CA14: variants seen among roughly 807,000 people sequenced by gnomAD.
CA14 encodes the protein CA-XIV.
Under a neutral mutation model 48.8 loss-of-function variants are expected in CA14, and 44 were observed. The ratio of observed to expected loss-of-function variants is 0.90; its 90% confidence interval spans 0.71 to 1.16. The LOEUF is 1.16. Among genes scored for constraint, CA14 ranks in the 50% most tolerant of loss-of-function variants. The pLI, the probability that CA14 is intolerant of heterozygous loss-of-function variation, is 0.00. For synonymous variants in CA14, 154 were observed against 155.0 expected, an observed-to-expected ratio of 0.99 and a Z score of 0.05; for missense variants, 386 against 401.0, an observed-to-expected ratio of 0.96 and a Z score of 0.32.
Position 150,263,829 on chromosome 1 carries a change from G to A in CA14, c.898G>A (p.Gly300Ser), listed in dbSNP as rs782199141. The A allele has an allele frequency of 2.5e-6, 4 of 1,613,998 alleles. No homozygotes were observed. Among genetic ancestry groups the A allele is most frequent in the Non-Finnish European group, 1.7e-6 (2 of 1,179,966 alleles). ...GAGTCTAGGTGTAGGAATCTTGGTT[G>A]GCTGTCTCTGCCTTCTCCTGGCTGT... ...MLSLGVGILV[G>S]CLCLLLAVYF... Residue 300 changes from glycine to serine, a missense_variant, in exon 10 of 11, where the codon GGC becomes AGC. Transcript: ENST00000369111.
intron 3 of CA14, among the ~76,000 whole-genome samples, 199 bp from the exon 4 acceptor site, chr1:150,261,959 G>A (rs1651074688): frequency 6.6e-6 from 1 of 152,190 alleles, no homozygotes; most frequent in African/African-American, 2.4e-5. Context: ...AGCTCAGTAG[G>A]TAGGTATCAT....
chr1:150,260,006 T>A (rs1394362861), intron 1 of CA14, 145 bp from the exon 2 acceptor site: 1 of 767,124 alleles, frequency 1.3e-6, no homozygotes, highest in African/African-American at 1.7e-5. Flanking sequence ...TTTCAGGGCT[T>A]CCTTTGCAAA....
rs1384210303 is a variant in CA14, at chr1:150,260,058, G to C, written c.56-93G>C. 2.7e-5 allele frequency: 32 copies of C among 1,204,954 alleles called. No individual in the cohort carries two copies. In the African/African-American group the frequency reaches 4.8e-4, roughly 18 times the overall value. The allele number at this position is 1,204,954 out of a possible 1,614,324, so 74.6% of individuals were successfully genotyped here. On this transcript the variant is annotated intron_variant, in intron 1 of 10. Transcript: ENST00000369111. ...AGGAGAGACTGCAGAGAGGGAGGTG[G>C]AGCAGTACAGAATGCCAGAGGGAGG...
At chr1:150,259,816 G>A (rs1354137694) in intron 1 of CA14, among the ~76,000 whole-genome samples, 1 of 141,968 alleles carries the variant, frequency 7.0e-6, no homozygotes, top group Non-Finnish European at 1.5e-5. Context: ...GTGTTAGATT[G>A]ACTTGGCACA....
At position 150,264,771 on chromosome 1, in the gene CA14, G is replaced by T. The variant is rs904514625; in HGVS notation, c.*112G>T. On this transcript the variant is annotated 3_prime_UTR_variant, in exon 11 of 11. Coordinates refer to ENST00000369111, the MANE Select transcript of CA14 (RefSeq NM_012113.3). ...AACACTGTAGGAGTAGTAAGCAGAT[G>T]TCCTCCTTCCCCTGGACATCTCCTA... is the stretch of plus-strand genomic sequence containing the variant. 5 of 709,550 alleles carry T rather than the reference G, an allele frequency of 7.0e-6. No homozygotes were observed. In the East Asian group the frequency reaches 1.4e-4, roughly 20 times the overall value. The allele number at this position is 709,550 out of a possible 1,614,324, so 44.0% of individuals were successfully genotyped here.
chr1:150,259,984 A>G (rs1307473893), intron 1 of CA14, among the ~76,000 whole-genome samples, 167 bp from the exon 2 acceptor site: 4 of 152,172 alleles, frequency 2.6e-5, no homozygotes, highest in African/African-American at 9.7e-5. Context: ...ACCTTTCCAC[A>G]GAGGTGTCCG....
chr1:150,259,617 CAT>C (rs1286702604), intron 1 of CA14, among the ~76,000 whole-genome samples: 1 of 152,144 alleles, frequency 6.6e-6, no homozygotes, highest in African/African-American at 2.4e-5. Flanking sequence ...GAAGAATTTA[CAT>C]ATGAGTTTAC....
In CA14 at chr1:150,262,931, G is replaced by A. The variant is rs1321315477; in HGVS notation, c.562+61G>A. The A allele has an allele frequency of 2.5e-6, 4 of 1,581,206 alleles. No homozygotes were observed. In the African/African-American group the frequency reaches 5.4e-5, roughly 21 times the overall value. ...AGACTTTCAAAAACTATCCTTAAAA[G>A]CCTTGGGATGAAGCAATTACATAGA... On this transcript the variant is annotated intron_variant, in intron 6 of 10. Transcript: ENST00000369111.
In CA14 at chr1:150,258,157, T is replaced by G; in HGVS notation, c.29T>G (p.Val10Gly). MLFSALLLEVIWILAADGGQ... is the reference protein window; with the variant it reads MLFSALLLEGIWILAADGGQ... The stretch of plus-strand genomic sequence containing the variant: ...TTGTTCTCCGCCCTCCTGCTGGAGG[T>G]GATTTGGATCCTGGCTGCAGATGGG... Residue 10 changes from valine (V) to glycine (G), a missense_variant, in exon 1 of 11, where the codon GTG becomes GGG. Val to Gly is a moderately radical substitution (Grantham distance 109). Transcript: ENST00000369111. 6.2e-7 allele frequency: 1 copy of G among 1,610,784 alleles called. No individual in the cohort carries two copies. Among genetic ancestry groups the G allele is most frequent in the Non-Finnish European group, 8.5e-7 (1 of 1,178,082 alleles).
chr1:150,262,686 G>A (rs1355432277), intron 5 of CA14, 66 bp downstream of exon 5: 9 of 1,425,336 alleles, frequency 6.3e-6, no homozygotes, highest in Non-Finnish European at 8.9e-6. Context: ...ACCTATTTCT[G>A]TTGCTGGCCT....
At position 150,261,515 on chromosome 1, in the gene CA14, C is replaced by T. The variant is rs782447059; in HGVS notation, c.133C>T (p.Gln45Ter). 6.2e-7 allele frequency: 1 copy of T among 1,614,180 alleles called. No individual in the cohort carries two copies. The highest frequency in any genetic ancestry group is 8.5e-7 in the Non-Finnish European group (1 of 1,180,036). ...ASYPECGNNA[Q>*]SPIDIQTDSV... The stretch of plus-strand genomic sequence containing the variant: ...TTACCCTGAGTGTGGAAACAATGCC[C>T]AGTCGCCCATCGATATTCAGACAGA... Residue 45 changes from glutamine to a stop codon, truncating the protein, a stop_gained, in exon 3 of 11, where the codon CAG becomes TAG. Coordinates refer to ENST00000369111, the MANE Select transcript of CA14 (RefSeq NM_012113.3). LOFTEE classifies it high-confidence loss of function.
chr1:150,262,378 G>A, intron 4 of CA14, 78 bp downstream of exon 4: 16 of 1,540,310 alleles, frequency 1.0e-5, no homozygotes, highest in Non-Finnish European at 1.3e-5. Context: ...TGGACCTTAG[G>A]AAAAGTCATG....
chr1:150,259,359 CTCAGCCTT>C (rs2101826631), intron 1 of CA14, among the ~76,000 whole-genome samples: 1 of 152,268 alleles, frequency 6.6e-6, no homozygotes, highest in East Asian at 1.9e-4. Flanking sequence ...CCTGCAGACC[CTCAGCCTT>C]TGCGTCAGAC....
intron 9 of CA14, 56 bp downstream of exon 9, chr1:150,263,735 G>A: frequency 1.2e-6 from 2 of 1,612,454 alleles, no homozygotes; most frequent in Non-Finnish European, 1.7e-6. Flanking sequence ...CCGAGTGGGG[G>A]AAAGGCTCAA....
At chr1:150,261,380 A>T in intron 2 of CA14, 79 bp from the exon 3 acceptor site, 1 of 1,292,044 alleles carries the variant, frequency 7.7e-7, no homozygotes, top group Non-Finnish European at 1.1e-6. Context: ...GGTTAGGGGA[A>T]GGGTCAAAGG....
In CA14 at chr1:150,262,250, T is replaced by A. The variant is rs1651101635; in HGVS notation, c.349T>A (p.Ser117Thr). ...CCACCTGCACTGGGGTCAGAAAGGA[T>A]CCCCAGGGGGGTCAGAACACCAGAT... is the stretch of plus-strand genomic sequence containing the variant. ...QLHLHWGQKG[S>T]PGGSEHQINS... The change falls in exon 4 of 11, where the codon TCC (serine) becomes ACC (threonine). Residue 117 changes from serine (S) to threonine (T), a missense_variant. Coordinates refer to ENST00000369111, the MANE Select transcript of CA14 (RefSeq NM_012113.3). The A allele has an allele frequency of 6.2e-7, 1 of 1,612,282 alleles. No individual in the cohort carries two copies. Among genetic ancestry groups the A allele is most frequent in the African/African-American group, 1.3e-5 (1 of 74,822 alleles).
At position 150,262,210 on chromosome 1, in the gene CA14, TGTAG is replaced by T; in HGVS notation, c.310_313del (p.Val104LeufsTer43). ...ATCTGGGTGGACTTCCCCGAAAATA[TGTAG>T]CTGCCCAGCTCCACCTGCACTGGGG... On this transcript the variant is annotated frameshift_variant, in exon 4 of 11. Transcript: ENST00000369111. LOFTEE classifies it high-confidence loss of function. 6.2e-7 allele frequency: 1 copy of T among 1,614,152 alleles called. No homozygotes were observed. The highest frequency in any genetic ancestry group is 8.5e-7 in the Non-Finnish European group (1 of 1,180,026).
Position 150,262,873 on chromosome 1 carries a change from G to A in CA14, c.562+3G>A. On this transcript the variant is annotated splice_donor_region_variant and intron_variant, in intron 6 of 10. Coordinates refer to ENST00000369111, the MANE Select transcript of CA14 (RefSeq NM_012113.3). ...CTTGCATGAAGTCAGGCATAAAGGT[G>A]AGCCTTAAAAATCTATAGCAGGAAG... 6.2e-7 allele frequency: 1 copy of A among 1,610,850 alleles called. No individual in the cohort carries two copies. The highest frequency in any genetic ancestry group is 8.5e-7 in the Non-Finnish European group (1 of 1,177,022).
Position 150,258,097 on chromosome 1 carries a change from T to C in CA14, c.-32T>C, listed in dbSNP as rs782428269. 6.3e-6 allele frequency: 10 copies of C among 1,580,120 alleles called. No individual in the cohort carries two copies. The highest frequency in any genetic ancestry group is 8.6e-6 in the Non-Finnish European group (10 of 1,156,650). ...TGTCCTAGTCCTCTAGTCCTCAAAT[T>C]CCCAGTCCCCTGCACCCCTTCCTGG... On this transcript the variant is annotated 5_prime_UTR_variant, in exon 1 of 11. Coordinates refer to ENST00000369111, the MANE Select transcript of CA14 (RefSeq NM_012113.3).
Sources: allele counts gnomAD v4.1 joint callset (sites outside exome capture counted in the v4.1 genomes callset), GRCh38; gene constraint gnomAD v4.1.1; transcripts MANE v1.5; gene names NCBI Gene and HGNC (gene_info 2026-07-23, HGNC 2026-07-21).